Variants in GRIN2A observed in about 807,000 individuals in gnomAD.
The protein encoded by GRIN2A is glutamate ionotropic receptor NMDA type subunit 2A, also known as glutamate receptor ionotropic, NMDA 2A.
A neutral mutation model predicts 113.4 loss-of-function variants in GRIN2A; 22 were observed. The observed-to-expected ratio is 0.19, with a 90% confidence interval of 0.14 to 0.28. The LOEUF (loss-of-function observed/expected upper bound fraction) is 0.28, where lower values mean the gene tolerates loss of function less well. GRIN2A is among the 10% of genes least tolerant of loss of function. GRIN2A has a pLI of 1.00. For missense variants in GRIN2A, 1,502 were observed against 1,887.0 expected, an observed-to-expected ratio of 0.80 and a Z score of 3.78; for synonymous variants, 827 against 738.4, an observed-to-expected ratio of 1.12 and a Z score of -1.94.
chr16:9,851,158 T>C (rs1475844593), intron 4 of GRIN2A, among the ~76,000 whole-genome samples: 2 of 151,878 alleles, frequency 1.3e-5, no homozygotes, highest in African/African-American at 4.8e-5. Flanking sequence ...GGTGACAGGG[T>C]GGGAGGAGAG....
chr16:9,938,150 A>T lies in GRIN2A; in HGVS notation c.816T>A (p.Phe272Leu), dbSNP rs778849362. 1 of 1,614,112 alleles carries T rather than the reference A, an allele frequency of 6.2e-7. No homozygotes were observed. Among genetic ancestry groups the T allele is most frequent in the Non-Finnish European group, 8.5e-7 (1 of 1,180,002 alleles). ...SGNTELIPKE[F>L]PSGLISVSYD... ...AGGAGACAGAAATGAGTCCCGATGG[A>T]AACTCTTTTGGGATGAGCTCCGTGT... is the stretch of plus-strand genomic sequence containing the variant. The change falls in exon 3 of 13, where the codon TTT becomes TTA. Residue 272 changes from phenylalanine to leucine, a missense_variant. By Grantham distance (22) the Phe-to-Leu change is conservative. Coordinates refer to ENST00000330684, the MANE Select transcript of GRIN2A (RefSeq NM_001134407.3).
Position 10,045,147 on chromosome 16 carries a change from G to A in GRIN2A, c.415-106596C>T, listed in dbSNP as rs376005262. Among the ~76,000 whole-genome samples, 1,044 of 152,260 alleles carry A rather than the reference G, an allele frequency of 6.9e-3. 5 individuals are homozygous for A. Among genetic ancestry groups the A allele is most frequent in the Non-Finnish European group, 0.01 (698 of 68,020 alleles). ...GGTGACAGTTCCTTGCCAATTGGCC[G>A]AAGTCTTCCTTGGTGCCTTCCATCA... On this transcript the variant is annotated intron_variant, in intron 2 of 12. Coordinates refer to ENST00000330684, the MANE Select transcript of GRIN2A (RefSeq NM_001134407.3).
intron 11 of GRIN2A, among the ~76,000 whole-genome samples, chr16:9,797,543 C>G (rs1903076141): frequency 6.6e-6 from 1 of 152,202 alleles, no homozygotes; most frequent in Admixed American, 6.5e-5. Context: ...TAGAGATTGC[C>G]TTTCCTTCAT....
intron 2 of GRIN2A, among the ~76,000 whole-genome samples, chr16:10,052,418 C>G (rs1037866362): frequency 6.6e-6 from 1 of 152,218 alleles, no homozygotes; most frequent in Non-Finnish European, 1.5e-5. Flanking sequence ...CATGCTCACC[C>G]TAAGTCCTTT....
chr16:9,976,593 G>A (rs966018540), intron 2 of GRIN2A, among the ~76,000 whole-genome samples: 1 of 152,178 alleles, frequency 6.6e-6, no homozygotes, highest in African/African-American at 2.4e-5. Context: ...CAGAAGTGCT[G>A]GTGGCATTCA....
intron 2 of GRIN2A, among the ~76,000 whole-genome samples, chr16:10,045,677 A>G (rs1440283039): frequency 6.6e-6 from 1 of 152,222 alleles, no homozygotes; most frequent in African/African-American, 2.4e-5. Flanking sequence ...GTTTTGCAGA[A>G]AAGAGCTGTA....
intron 2 of GRIN2A, among the ~76,000 whole-genome samples, chr16:10,062,595 C>T (rs1243010647): frequency 6.6e-6 from 1 of 152,140 alleles, no homozygotes; most frequent in East Asian, 1.9e-4. Flanking sequence ...TGGCTCACAC[C>T]TGTAATCCCC....
At chr16:9,886,685 A>G (rs1244306813) in intron 4 of GRIN2A, among the ~76,000 whole-genome samples, 1 of 152,154 alleles carries the variant, frequency 6.6e-6, no homozygotes, top group Admixed American at 6.5e-5. Flanking sequence ...GGCACTTAAT[A>G]ACTATTTGTT....
chr16:10,111,770 T>A, intron 2 of GRIN2A: 1 of 1,487,872 alleles, frequency 6.7e-7, no homozygotes. Flanking sequence ...GTGGGTGATG[T>A]GCTGGAGGCC....
At chr16:10,006,709 C>T (rs531263431) in intron 2 of GRIN2A, among the ~76,000 whole-genome samples, 1 of 152,230 alleles carries the variant, frequency 6.6e-6, no homozygotes, top group South Asian at 2.1e-4. Flanking sequence ...TGCTATCAAA[C>T]ACTAGATCTT....
At chr16:9,981,064 T>C (rs560005929) in intron 2 of GRIN2A, among the ~76,000 whole-genome samples, 1 of 149,774 alleles carries the variant, frequency 6.7e-6, no homozygotes, top group South Asian at 2.1e-4. Context: ...GAGAGAATAG[T>C]TTCACCCTGT....
chr16:10,103,287 C>G (rs960037662), intron 2 of GRIN2A, among the ~76,000 whole-genome samples: 7 of 152,176 alleles, frequency 4.6e-5, no homozygotes, highest in Non-Finnish European at 1.0e-4. Context: ...ATCACCATCA[C>G]TGAAAGAAAC....
Position 10,083,039 on chromosome 16 carries a change from C to T in GRIN2A, c.414+96959G>A, listed in dbSNP as rs2048014095. Among the ~76,000 whole-genome samples the T allele has an allele frequency of 1.3e-5, 2 of 152,152 alleles. 1 individual carries two copies. Among genetic ancestry groups the T allele is most frequent in the South Asian group, 4.1e-4 (2 of 4,834 alleles). ...CCTCTAGAAGTTAGGGAAAAGAGGA[C>T]TCAGTGAGCATAGGAAGAGGAACAA... On this transcript the variant is annotated intron_variant, in intron 2 of 12. Transcript: ENST00000330684.
At chr16:9,898,314 T>G (rs1196779236) in intron 3 of GRIN2A, among the ~76,000 whole-genome samples, 1 of 152,166 alleles carries the variant, frequency 6.6e-6, no homozygotes, top group Non-Finnish European at 1.5e-5. Flanking sequence ...CCCTTGCCAT[T>G]TAGTATACTC....
intron 2 of GRIN2A, among the ~76,000 whole-genome samples, chr16:10,024,597 A>G (rs1423212578): frequency 6.6e-6 from 1 of 152,160 alleles, no homozygotes; most frequent in African/African-American, 2.4e-5. Context: ...TCTGTCTCCC[A>G]TTGCCGCTTA....
At chr16:10,064,313 T>C (rs9938061) in intron 2 of GRIN2A, among the ~76,000 whole-genome samples, 21,266 of 152,190 alleles carry the variant, frequency 0.14, 2,064 homozygotes, top group African/African-American at 0.27. Context: ...GGCACCTCAC[T>C]TCGTTCGCCC....
intron 11 of GRIN2A, among the ~76,000 whole-genome samples, chr16:9,779,745 AC>A (rs35502290): frequency 0.22 from 32,717 of 151,954 alleles, 4,011 homozygotes; most frequent in East Asian, 0.53. Context: ...TCCTTTGATG[AC>A]ATCCTCCCGC....
intron 5 of GRIN2A, among the ~76,000 whole-genome samples, chr16:9,849,499 T>A (rs1448766047): frequency 1.3e-5 from 2 of 152,048 alleles, no homozygotes; most frequent in South Asian, 4.1e-4. Context: ...AATCTTCCCA[T>A]AACTCGGTTT....
chr16:9,811,643 C>T (rs1232477903), intron 10 of GRIN2A, among the ~76,000 whole-genome samples: 3 of 152,084 alleles, frequency 2.0e-5, no homozygotes, highest in Non-Finnish European at 4.4e-5. Flanking sequence ...ATTTGTGGTC[C>T]CAGTACTCGG....
Sources: gnomAD v4.1 joint callset for allele counts (sites outside exome capture counted in the v4.1 genomes callset) on GRCh38, gnomAD v4.1.1 for gene constraint, MANE v1.5 for transcripts, NCBI Gene and HGNC (gene_info 2026-07-23, HGNC 2026-07-21) for gene names.